The following KCNIP4 variants were observed in gnomAD, a reference collection of about 807,000 sequenced individuals.
The protein encoded by KCNIP4 is Kv channel-interacting protein 4.
In KCNIP4, 12 loss-of-function variants were observed where a neutral mutation model predicts 34.0. The ratio of observed to expected loss-of-function variants is 0.35; its 90% CI spans 0.23 to 0.57. KCNIP4 has a LOEUF of 0.57. Ranked by LOEUF, KCNIP4 falls within the 20% of genes least tolerant of loss-of-function variation. KCNIP4 has a pLI of 0.83. For synonymous variants in KCNIP4, 124 were observed against 102.2 expected, an observed-to-expected ratio of 1.21 and a Z score of -1.29; for missense variants, 238 against 311.7, an observed-to-expected ratio of 0.76 and a Z score of 1.78.
At chr4:21,855,431 C>T (rs1724689601) in intron 1 of KCNIP4, among the ~76,000 whole-genome samples, 3 of 152,190 alleles carry the variant, frequency 2.0e-5, no homozygotes. Flanking sequence ...GCAATGGTAC[C>T]AGCGCATCCT....
chr4:21,905,125 A>G (rs900428267), intron 1 of KCNIP4, among the ~76,000 whole-genome samples: 2 of 152,154 alleles, frequency 1.3e-5, no homozygotes, highest in Non-Finnish European at 2.9e-5. Context: ...AAGCCACCAA[A>G]AATAAAATGA....
Position 21,400,520 on chromosome 4 carries a change from CTT to C in KCNIP4, c.62-517813_62-517812del, listed in dbSNP as rs1723432266. Among the ~76,000 whole-genome samples, 245 of 35,958 alleles carry C rather than the reference CTT, an allele frequency of 6.8e-3. 5 individuals carry two copies. Among genetic ancestry groups the C allele is most frequent in the African/African-American group, 0.025 (233 of 9,382 alleles). The allele number at this position is 35,958 out of a possible 152,430, so 23.6% of individuals were successfully genotyped here. A position where few individuals can be genotyped will look rare whatever the true frequency, so the allele number is the denominator to read the frequency against. ...CTCCCTTCCCCTCCCTTCCTCTTCT[CTT>C]CTCTTCTCTTCTCTTCTCTTCTCTT... is the stretch of plus-strand genomic sequence containing the variant. On this transcript the variant is annotated intron_variant, in intron 1 of 8. Transcript: ENST00000382152.
At chr4:20,826,866 GAGA>G (rs1717826571) in intron 3 of KCNIP4, among the ~76,000 whole-genome samples, 1 of 152,154 alleles carries the variant, frequency 6.6e-6, no homozygotes, top group Non-Finnish European at 1.5e-5. Flanking sequence ...TTCTAAAAGT[GAGA>G]AGGACAGATT....
intron 1 of KCNIP4, among the ~76,000 whole-genome samples, chr4:21,678,031 C>T (rs564276609): frequency 5.3e-5 from 8 of 152,276 alleles, no homozygotes; most frequent in South Asian, 2.1e-4. Context: ...GGACTACAGG[C>T]GTGAGCCACT....
intron 1 of KCNIP4, among the ~76,000 whole-genome samples, chr4:21,426,776 AT>A (rs1725964763): frequency 6.6e-6 from 1 of 151,810 alleles, no homozygotes; most frequent in Non-Finnish European, 1.5e-5. Flanking sequence ...AAAAAAAAAA[AT>A]TAGTTTTAAG....
At chr4:20,832,681 T>C (rs1018477008) in intron 3 of KCNIP4, among the ~76,000 whole-genome samples, 3 of 151,380 alleles carry the variant, frequency 2.0e-5, no homozygotes, top group Admixed American at 6.6e-5. Context: ...TAGAAAAAAG[T>C]GGTTTTGCTT....
At chr4:20,839,123 C>G (rs1286461834) in intron 3 of KCNIP4, among the ~76,000 whole-genome samples, 1 of 152,074 alleles carries the variant, frequency 6.6e-6, no homozygotes, top group African/African-American at 2.4e-5. Context: ...GGGCTAAGAA[C>G]AAATCTGTGT....
rs117513378 is a variant in KCNIP4 at position 20,735,841 on chromosome 4, C to G, written c.430-1106G>C. 2.3e-3 allele frequency among the ~76,000 whole-genome samples: 353 copies of G among 152,140 alleles called. 8 individuals are homozygous for G. In the South Asian group the frequency reaches 0.046, roughly 20 times the overall value. On this transcript the variant is annotated intron_variant, in intron 5 of 8. Coordinates refer to ENST00000382152, the MANE Select transcript of KCNIP4 (RefSeq NM_025221.6). ...TGAGCCACCACGCCTGGCCAGATTT[C>G]TTGTTGTTATGTACAGCAGGGTTAA...
chr4:21,517,792 G>A (rs1734885166), intron 1 of KCNIP4, among the ~76,000 whole-genome samples: 1 of 152,112 alleles, frequency 6.6e-6, no homozygotes, highest in East Asian at 1.9e-4. Context: ...ACAATCATGG[G>A]AGTACAATGC....
chr4:21,600,464 C>T (rs564181714), intron 1 of KCNIP4, among the ~76,000 whole-genome samples: 5 of 152,086 alleles, frequency 3.3e-5, no homozygotes, highest in Admixed American at 3.3e-4. Context: ...CTATTCATCA[C>T]CTTATTTACT....
At chr4:21,117,243 C>G (rs978715819) in intron 1 of KCNIP4, among the ~76,000 whole-genome samples, 4 of 139,708 alleles carry the variant, frequency 2.9e-5, no homozygotes, top group Non-Finnish European at 6.1e-5. Flanking sequence ...TCTTAAAAAT[C>G]CAGGTCCCAT....
At chr4:21,896,933 TAATA>T (rs57096209) in intron 1 of KCNIP4, among the ~76,000 whole-genome samples, 6,695 of 147,294 alleles carry the variant, frequency 0.045, 197 homozygotes, top group African/African-American at 0.079. Context: ...CATAAATAAA[TAATA>T]AATAAATAAA....
chr4:20,844,299 T>C (rs974429135), intron 3 of KCNIP4, among the ~76,000 whole-genome samples: 3 of 152,192 alleles, frequency 2.0e-5, no homozygotes, highest in African/African-American at 7.2e-5. Flanking sequence ...TGACAGACAG[T>C]TCTGCTAGGG....
At chr4:21,812,310 C>T (rs1372711021) in intron 1 of KCNIP4, among the ~76,000 whole-genome samples, 1 of 152,096 alleles carries the variant, frequency 6.6e-6, no homozygotes, top group Non-Finnish European at 1.5e-5. Flanking sequence ...AAATATTGCT[C>T]TTTTATAATA....
At chr4:21,008,768 C>A (rs1048809116) in intron 1 of KCNIP4, among the ~76,000 whole-genome samples, 2 of 151,946 alleles carry the variant, frequency 1.3e-5, no homozygotes, top group African/African-American at 4.8e-5. Context: ...TGGTGATCCG[C>A]CCGCCTCGGC....
chr4:21,379,954 A>G (rs1721329787), intron 1 of KCNIP4, among the ~76,000 whole-genome samples: 1 of 151,794 alleles, frequency 6.6e-6, no homozygotes, highest in African/African-American at 2.4e-5. Flanking sequence ...AGTATCTAAG[A>G]AGAAAATGAG....
intron 1 of KCNIP4, among the ~76,000 whole-genome samples, chr4:21,235,944 A>G (rs1759325158): frequency 2.0e-5 from 3 of 152,132 alleles, no homozygotes; most frequent in Non-Finnish European, 4.4e-5. Context: ...TGAACATATC[A>G]GTTGGAAATA....
At chr4:20,892,386 T>C (rs147596624) in intron 1 of KCNIP4, among the ~76,000 whole-genome samples, 131 of 152,256 alleles carry the variant, frequency 8.6e-4, no homozygotes, top group African/African-American at 3.0e-3. Flanking sequence ...TCTCTATCTG[T>C]CTTTCTGTCT....
intron 1 of KCNIP4, among the ~76,000 whole-genome samples, chr4:21,735,724 A>C (rs58744364): frequency 6.6e-6 from 1 of 152,062 alleles, no homozygotes; most frequent in Non-Finnish European, 1.5e-5. Context: ...GACTTCCTGG[A>C]AGAAGAGGAA....
Sources: gnomAD v4.1 joint callset for allele counts (sites outside exome capture counted in the v4.1 genomes callset) on GRCh38, gnomAD v4.1.1 for gene constraint, MANE v1.5 for transcripts, NCBI Gene and HGNC (gene_info 2026-07-23, HGNC 2026-07-21) for gene names.